Variants in IKZF2 observed in about 807,000 individuals in gnomAD.
The protein encoded by IKZF2 is zinc finger protein Helios.
IKZF2 carries 15 observed loss-of-function variants against 49.2 expected under a neutral mutation model. The observed-to-expected ratio is 0.30, with a 90% CI of 0.20 to 0.47. IKZF2 has a LOEUF of 0.47. Ranked by LOEUF, IKZF2 falls within the 20% of genes least tolerant of loss-of-function variation. The pLI is 1.00. For missense variants in IKZF2, 567 were observed against 664.6 expected (o/e 0.85, Z 1.61); for synonymous variants, 227 against 221.4 (o/e 1.03, Z -0.23).
At chr2:213,010,362 A>C (rs181358044) in intron 8 of IKZF2, among the ~76,000 whole-genome samples, 8 of 152,184 alleles carry the variant, frequency 5.3e-5, no homozygotes, top group African/African-American at 1.9e-4. Flanking sequence ...CTGCCTACTC[A>C]TAGATCAGGG....
chr2:213,073,576 C>T (rs976836461), intron 4 of IKZF2, among the ~76,000 whole-genome samples: 8 of 152,020 alleles, frequency 5.3e-5, no homozygotes, highest in Non-Finnish European at 1.5e-5. Context: ...ACAAGAAAAA[C>T]AACAGAAAAA....
intron 6 of IKZF2, among the ~76,000 whole-genome samples, chr2:213,024,587 A>G (rs937575110): frequency 6.6e-6 from 1 of 152,146 alleles, no homozygotes; most frequent in Non-Finnish European, 1.5e-5. Flanking sequence ...TCAGGTGACA[A>G]CTGAAGAAAA....
intron 4 of IKZF2, among the ~76,000 whole-genome samples, chr2:213,110,263 T>G (rs930053935): frequency 2.6e-5 from 4 of 151,974 alleles, no homozygotes; most frequent in Non-Finnish European, 4.4e-5. Context: ...TAAAAGTATA[T>G]CTAGTGAAGA....
At chr2:213,106,834 T>C (rs899234918) in intron 4 of IKZF2, among the ~76,000 whole-genome samples, 7 of 152,080 alleles carry the variant, frequency 4.6e-5, no homozygotes, top group Non-Finnish European at 7.4e-5. Flanking sequence ...GTAATACATA[T>C]ATTTAACATG....
chr2:213,028,889 T>C (rs182970235), intron 6 of IKZF2, among the ~76,000 whole-genome samples: 101 of 152,254 alleles, frequency 6.6e-4, no homozygotes, highest in African/African-American at 2.1e-3. Context: ...AGCTGAATTA[T>C]GTCAAATACT....
intron 6 of IKZF2, among the ~76,000 whole-genome samples, chr2:213,034,499 G>T (rs1339657010): frequency 2.0e-5 from 3 of 152,078 alleles, no homozygotes; most frequent in Non-Finnish European, 4.4e-5. Flanking sequence ...GTTATTAAGT[G>T]GCCTAATTTC....
chr2:213,146,244 A>G (rs1017020733), intron 4 of IKZF2, among the ~76,000 whole-genome samples: 11 of 152,118 alleles, frequency 7.2e-5, no homozygotes, highest in African/African-American at 2.7e-4. Flanking sequence ...TAGTATATTG[A>G]AATGTAAAAA....
rs746687299 is a variant in IKZF2 at position 213,013,815 on chromosome 2, T to G, written c.832A>C (p.Ser278Arg). ...CCCACAAACTTTTGTGGAGTGGAGC[T>G]TTTACGTTTTCCCATATTCCCCGTG... ...KLTGNMGKRK[S>R]STPQKFVGEK... The change falls in exon 8 of 9, where the codon AGC becomes CGC. Residue 278 changes from serine to arginine, a missense_variant. Transcript: ENST00000434687. 3.7e-6 allele frequency: 6 copies of G among 1,611,232 alleles called. No individual in the cohort carries two copies. Among genetic ancestry groups the G allele is most frequent in the Non-Finnish European group, 5.1e-6 (6 of 1,178,240 alleles).
rs180877299 is a variant in IKZF2 at position 213,000,346 on chromosome 2, A to C, written c.*7014T>G. 1.3e-5 allele frequency: 2 copies of C among 148,300 alleles called. No individual in the cohort carries two copies. Among genetic ancestry groups the C allele is most frequent in the Non-Finnish European group, 3.0e-5 (2 of 66,632 alleles). 9.2% of individuals were successfully genotyped at this position (148,300 alleles called of 1,614,324 possible). A position where few individuals can be genotyped will look rare whatever the true frequency, so the allele number is the denominator to read the frequency against. ...AAAATGAGGTTTACTGGTTTGACCTATTTTTTTTTCTTTTTTTGCTTCTAA... is the reference window on the plus strand; with the variant it reads ...AAAATGAGGTTTACTGGTTTGACCTCTTTTTTTTTCTTTTTTTGCTTCTAA... On this transcript the variant is annotated 3_prime_UTR_variant, in exon 9 of 9. Coordinates refer to ENST00000434687, the MANE Select transcript of IKZF2 (RefSeq NM_001387220.1).
intron 4 of IKZF2, among the ~76,000 whole-genome samples, chr2:213,075,247 T>C (rs534899681): frequency 6.6e-6 from 1 of 152,066 alleles, no homozygotes; most frequent in Admixed American, 6.6e-5. Flanking sequence ...AGCTAATCGC[T>C]GCTTTAGAGA....
chr2:213,042,438 G>A (rs1406645056), intron 6 of IKZF2, among the ~76,000 whole-genome samples: 3 of 152,130 alleles, frequency 2.0e-5, no homozygotes, highest in South Asian at 2.1e-4. Flanking sequence ...TGGTACGTCC[G>A]AGTATACTTC....
chr2:213,013,963 T>C, intron 7 of IKZF2, 29 bp from the exon 8 acceptor site: 1 of 1,603,450 alleles, frequency 6.2e-7, no homozygotes, highest in Non-Finnish European at 8.5e-7. Flanking sequence ...AAATGCAATC[T>C]GATAATTTCT....
At chr2:213,012,017 G>T (rs185355971) in intron 8 of IKZF2, among the ~76,000 whole-genome samples, 1 of 152,034 alleles carries the variant, frequency 6.6e-6, no homozygotes, top group Non-Finnish European at 1.5e-5. Context: ...TATGCAGGAA[G>T]TTCAGGGATC....
chr2:213,145,615 G>T (rs1277708984), intron 4 of IKZF2, among the ~76,000 whole-genome samples: 1 of 151,996 alleles, frequency 6.6e-6, no homozygotes, highest in Non-Finnish European at 1.5e-5. Flanking sequence ...AATCTAAAAT[G>T]CTGATATTCT....
At chr2:213,053,912 T>A (rs1157277547) in intron 5 of IKZF2, among the ~76,000 whole-genome samples, 1 of 152,216 alleles carries the variant, frequency 6.6e-6, no homozygotes, top group African/African-American at 2.4e-5. Context: ...TGATGCTCCA[T>A]GATATTGTAA....
intron 5 of IKZF2, among the ~76,000 whole-genome samples, chr2:213,054,946 C>G (rs1043205299): frequency 2.6e-5 from 4 of 152,016 alleles, no homozygotes; most frequent in African/African-American, 7.2e-5. Context: ...TACAAATTAA[C>G]AATCCTCATG....
chr2:213,078,815 A>G (rs920093814), intron 4 of IKZF2, among the ~76,000 whole-genome samples: 5 of 152,174 alleles, frequency 3.3e-5, no homozygotes, highest in African/African-American at 1.2e-4. Flanking sequence ...TTTCCTGCCA[A>G]ACCAAAGTGA....
chr2:213,029,254 A>G (rs1259576000), intron 6 of IKZF2, among the ~76,000 whole-genome samples: 2 of 151,832 alleles, frequency 1.3e-5, no homozygotes, highest in Non-Finnish European at 2.9e-5. Context: ...CTTAAATTAC[A>G]TTTTCCTTAA....
intron 1 of IKZF2, chr2:213,150,475 C>CTCCTCCTCCTCG: frequency 3.7e-6 from 1 of 270,254 alleles, no homozygotes; most frequent in Non-Finnish European, 7.3e-6. Flanking sequence ...CCTCCTCCTC[C>CTCCTCCTCCTCG]TCGTCCTCCT....
Sources: gnomAD v4.1 joint callset for allele counts (sites outside exome capture counted in the v4.1 genomes callset) on GRCh38, gnomAD v4.1.1 for gene constraint, MANE v1.5 for transcripts, NCBI Gene and HGNC (gene_info 2026-07-23, HGNC 2026-07-21) for gene names.